Variants in SET observed in about 807,000 individuals in gnomAD.
SET encodes the protein SET nuclear proto-oncogene, also known as protein SET.
Under a neutral mutation model 39.0 loss-of-function variants are expected in SET, and 4 were observed. That is an observed-to-expected ratio of 0.10 (90% CI 0.05 to 0.23). The LOEUF (loss-of-function observed/expected upper bound fraction) is 0.23. Among genes scored for constraint, SET ranks in the 10% least tolerant of loss-of-function variants. The pLI is 1.00. For missense variants in SET, 137 were observed against 329.7 expected (o/e 0.42, Z 4.53); for synonymous variants, 114 against 115.9 (o/e 0.98, Z 0.11).
Position 128,691,841 on chromosome 9 carries a change from C to G in SET, c.132-17C>G, listed in dbSNP as rs3750330. ...TTAAATACTATCATTGTCAACATCT[C>G]TTTTCATTTGCTTCAGACTTAATGA... On this transcript the variant is annotated splice_polypyrimidine_tract_variant and intron_variant, in intron 2 of 7. Transcript: ENST00000322030. 6.2e-7 allele frequency: 1 copy of G among 1,600,792 alleles called. No homozygotes were observed.
exon 1 of SET, chr9:128,683,675 A>G (rs952156563): frequency 4.0e-5 from 19 of 475,960 alleles, no homozygotes; most frequent in Non-Finnish European, 6.0e-5. Flanking sequence ...AGAGCGAGGC[A>G]GAGAGCAACT....
rs147521364 is a variant in SET, at chr9:128,691,115, C to T, written c.74-55C>T. ...TTTTGGAATATTATAGTATTAACAT[C>T]TGGAAAACTAGGTAAATTTATCTTA... On this transcript the variant is annotated intron_variant, in intron 1 of 7. Coordinates refer to ENST00000322030, the MANE Select transcript of SET (RefSeq NM_003011.4). 5,165 of 1,368,040 alleles carry T rather than the reference C, an allele frequency of 3.8e-3. 286 individuals carry two copies. In the Admixed American group the frequency reaches 0.086, roughly 23 times the overall value. The allele number at this position is 1,368,040 out of a possible 1,614,324, so 84.7% of individuals were successfully genotyped here. A position where few individuals can be genotyped will look rare whatever the true frequency, so the allele number is the denominator to read the frequency against.
chr9:128,689,006 GGCCGGAGAGGGGAGA>G (rs1183212117), upstream of SET, among the ~76,000 whole-genome samples: 2 of 151,300 alleles, frequency 1.3e-5, no homozygotes, highest in African/African-American at 4.8e-5. Flanking sequence ...TCCTGGGTCG[GGCCGGAGAGGGGAGA>G]GCGGGGGAGG....
intron 1 of SET, 146 bp from the exon 2 acceptor site, chr9:128,691,024 G>C: frequency 1.4e-6 from 1 of 736,288 alleles, no homozygotes; most frequent in Non-Finnish European, 2.5e-6. Flanking sequence ...AAATTAGTCA[G>C]CTACAAGCAT....
At chr9:128,692,099 C>G in intron 3 of SET, 99 bp downstream of exon 3, 1 of 1,419,922 alleles carries the variant, frequency 7.0e-7, no homozygotes, top group Non-Finnish European at 9.7e-7. Flanking sequence ...TTGCGTGCAA[C>G]AAAGACAGGC....
At chr9:128,688,423 T>C (rs939887158), upstream of SET, among the ~76,000 whole-genome samples, 5 of 152,196 alleles carry the variant, frequency 3.3e-5, no homozygotes, top group African/African-American at 1.2e-4. Flanking sequence ...ACACCGCCTA[T>C]CGCTTGGGGC....
At chr9:128,689,024 G>C (rs969778695), upstream of SET, among the ~76,000 whole-genome samples, 4 of 151,028 alleles carry the variant, frequency 2.6e-5, no homozygotes, top group African/African-American at 4.8e-5. Context: ...AGGGGAGAGC[G>C]GGGGAGGGGA....
chr9:128,691,139 T>TA, intron 1 of SET, 31 bp from the exon 2 acceptor site: 1 of 1,554,544 alleles, frequency 6.4e-7, no homozygotes, highest in Non-Finnish European at 8.8e-7. Context: ...AAATTTATCT[T>TA]AGAATTAAGT....
At chr9:128,684,178 G>C (rs976345785) in intron 1 of SET, among the ~76,000 whole-genome samples, 3 of 152,060 alleles carry the variant, frequency 2.0e-5, no homozygotes, top group Non-Finnish European at 2.9e-5. Flanking sequence ...GACTAGACTG[G>C]GAGAACGGGA....
intron 1 of SET, 151 bp downstream of exon 1, chr9:128,689,806 C>T (rs1861442099): frequency 6.6e-6 from 1 of 151,684 alleles, no homozygotes; most frequent in Non-Finnish European, 1.4e-5. Context: ...ACTCGGCGCC[C>T]TTTTTTGTGC....
upstream of SET, among the ~76,000 whole-genome samples, chr9:128,686,141 G>C (rs565257846): frequency 2.0e-5 from 3 of 152,290 alleles, no homozygotes; most frequent in East Asian, 5.8e-4. Context: ...TGTTGGAGAC[G>C]GGGAGAGAGC....
upstream of SET, among the ~76,000 whole-genome samples, chr9:128,688,661 C>T (rs977380947): frequency 2.6e-5 from 4 of 152,324 alleles, 1 homozygote; most frequent in Middle Eastern, 0.01. Flanking sequence ...GCTTGCTGGG[C>T]AGGGCTTGGA....
chr9:128,684,805 T>TG (rs371168628), upstream of SET, among the ~76,000 whole-genome samples: 1 of 152,170 alleles, frequency 6.6e-6, no homozygotes, highest in African/African-American at 2.4e-5. Context: ...CCCCAACACT[T>TG]GGGAGTTAGG....
intron 5 of SET, 108 bp from the exon 6 acceptor site, chr9:128,693,530 C>G: frequency 8.7e-7 from 1 of 1,154,582 alleles, no homozygotes; most frequent in Non-Finnish European, 1.2e-6. Context: ...AGATAGTATA[C>G]TGATATTTGT....
In SET at chr9:128,696,325, T is replaced by C. The variant is rs1861739484; in HGVS notation, c.*1661T>C. On this transcript the variant is annotated 3_prime_UTR_variant, in exon 8 of 8. Coordinates refer to ENST00000322030, the MANE Select transcript of SET (RefSeq NM_003011.4). ...TATGTAATTTCTGCACAGGTCTCTG[T>C]TTAGTAAATACATCACTGTATACCG... The C allele has an allele frequency of 5.3e-6, 1 of 188,764 alleles. No homozygotes were observed. Among genetic ancestry groups the C allele is most frequent in the African/African-American group, 2.3e-5 (1 of 42,984 alleles). The allele number at this position is 188,764 out of a possible 1,614,324, so 11.7% of individuals were successfully genotyped here. A position where few individuals can be genotyped will look rare whatever the true frequency, so the allele number is the denominator to read the frequency against.
chr9:128,689,017 G>A (rs537723788), upstream of SET, among the ~76,000 whole-genome samples: 2 of 151,162 alleles, frequency 1.3e-5, no homozygotes, highest in Non-Finnish European at 3.0e-5. Context: ...GCCGGAGAGG[G>A]GAGAGCGGGG....
intron 6 of SET, 40 bp downstream of exon 6, chr9:128,693,848 T>A (rs1199342075): frequency 6.2e-7 from 1 of 1,605,834 alleles, no homozygotes; most frequent in Non-Finnish European, 8.5e-7. Context: ...TGGACTTGTC[T>A]CGGTTGTTTA....
chr9:128,691,513 C>G (rs2132250230), intron 2 of SET, among the ~76,000 whole-genome samples: 1 of 152,312 alleles, frequency 6.6e-6, no homozygotes, highest in Admixed American at 6.5e-5. Context: ...AGTGGTTGCT[C>G]TAACTTGCCT....
chr9:128,690,041 G>A (rs1033802563), intron 1 of SET: 4 of 1,008,430 alleles, frequency 4.0e-6, no homozygotes, highest in South Asian at 3.5e-5. Flanking sequence ...GGCCGGACGC[G>A]GCCCCGCGCC....
Sources: allele counts gnomAD v4.1 joint callset (sites outside exome capture counted in the v4.1 genomes callset), GRCh38; gene constraint gnomAD v4.1.1; transcripts MANE v1.5; gene names NCBI Gene and HGNC (gene_info 2026-07-23, HGNC 2026-07-21).